The following CENPU variants were observed in gnomAD, a reference collection of about 807,000 sequenced individuals.
CENPU encodes KSHV latent nuclear antigen interacting protein 1.
A neutral mutation model predicts 56.7 loss-of-function variants in CENPU; 46 were observed. The ratio of observed to expected loss-of-function variants is 0.81; its 90% CI spans 0.64 to 1.04. The LOEUF (loss-of-function observed/expected upper bound fraction) is 1.04. Ranked by LOEUF, CENPU falls within the 50% of genes least tolerant of loss-of-function variation. The pLI, the probability that CENPU is intolerant of heterozygous loss-of-function variation, is 0.00. For synonymous variants in CENPU, 166 were observed against 163.0 expected, an observed-to-expected ratio of 1.02 and a Z score of -0.14; for missense variants, 510 against 490.1, an observed-to-expected ratio of 1.04 and a Z score of -0.38.
intron 3 of CENPU, among the ~76,000 whole-genome samples, chr4:184,726,177 C>T (rs1256788965): frequency 6.6e-6 from 1 of 152,110 alleles, no homozygotes; most frequent in African/African-American, 2.4e-5. Context: ...TACTCTATTG[C>T]TGTGAATAAC....
At chr4:184,719,193 A>G (rs892383680) in intron 4 of CENPU, among the ~76,000 whole-genome samples, 1 of 152,226 alleles carries the variant, frequency 6.6e-6, no homozygotes, top group African/African-American at 2.4e-5. Flanking sequence ...AGGAAACAAA[A>G]GTCAGCTGAG....
chr4:184,700,917 G>T, intron 10 of CENPU, 36 bp from the exon 11 acceptor site: 1 of 1,553,844 alleles, frequency 6.4e-7, no homozygotes, highest in Non-Finnish European at 8.9e-7. Context: ...AAATTAATTT[G>T]TAACTGTTTG....
chr4:184,711,353 T>C (rs1449881354), intron 7 of CENPU, among the ~76,000 whole-genome samples: 2 of 152,220 alleles, frequency 1.3e-5, no homozygotes, highest in Non-Finnish European at 2.9e-5. Flanking sequence ...ATGTATGTAT[T>C]GTGTAAAAAA....
intron 3 of CENPU, among the ~76,000 whole-genome samples, chr4:184,727,443 C>T (rs1310739228): frequency 2.0e-5 from 3 of 152,134 alleles, no homozygotes; most frequent in Admixed American, 6.5e-5. Flanking sequence ...CTATATTTTA[C>T]CACCCATACC....
chr4:184,725,993 G>A (rs1394164548), intron 3 of CENPU, among the ~76,000 whole-genome samples: 2 of 152,152 alleles, frequency 1.3e-5, no homozygotes, highest in African/African-American at 4.8e-5. Flanking sequence ...CTGCTGTAAG[G>A]GGGCCTGGTA....
chr4:184,699,027 G>A (rs991066690), intron 11 of CENPU, among the ~76,000 whole-genome samples: 2 of 152,118 alleles, frequency 1.3e-5, no homozygotes, highest in African/African-American at 4.8e-5. Flanking sequence ...ACAAAAGTCA[G>A]TCTTTAAAAC....
At chr4:184,713,370 G>C (rs1760987434) in intron 6 of CENPU, among the ~76,000 whole-genome samples, 1 of 152,062 alleles carries the variant, frequency 6.6e-6, no homozygotes, top group Non-Finnish European at 1.5e-5. Flanking sequence ...CTCCAGCCTG[G>C]GCAACAGAGC....
chr4:184,730,901 A>C lies in CENPU; in HGVS notation c.96+19T>G, dbSNP rs372853709. 1.1e-5 allele frequency: 18 copies of C among 1,570,718 alleles called. No homozygotes were observed. The highest frequency in any genetic ancestry group is 1.5e-5 in the Non-Finnish European group (18 of 1,165,836). Reference sequence around the variant, plus strand: ...TACTGTCAATTTTGAGAAAACCACAACACAAAAAGGTAACTTACATCTTTC... The same window carrying C: ...TACTGTCAATTTTGAGAAAACCACACCACAAAAAGGTAACTTACATCTTTC... On this transcript the variant is annotated intron_variant, in intron 2 of 12. Transcript: ENST00000281453.
intron 8 of CENPU, among the ~76,000 whole-genome samples, chr4:184,707,695 TC>T (rs1479111247): frequency 6.6e-6 from 1 of 152,114 alleles, no homozygotes; most frequent in African/African-American, 2.4e-5. Context: ...TTGGCCTTCT[TC>T]TATACATACT....
intron 9 of CENPU, 83 bp downstream of exon 9, chr4:184,702,280 C>A: frequency 5.0e-6 from 7 of 1,405,526 alleles, no homozygotes; most frequent in Non-Finnish European, 7.0e-6. Flanking sequence ...CCAGCAAATG[C>A]AAGCTTTTCT....
rs990323568 is a variant in CENPU at position 184,702,270 on chromosome 4, C to T, written c.876+93G>A. The T allele has an allele frequency of 1.1e-5, 15 of 1,333,882 alleles. No individual in the cohort carries two copies. The South Asian group carries it at 1.5e-4, about 13-fold the overall frequency. 82.6% of individuals were successfully genotyped at this position (1,333,882 alleles called of 1,614,324 possible). A position where few individuals can be genotyped will look rare whatever the true frequency, so the allele number is the denominator to read the frequency against. On this transcript the variant is annotated intron_variant, in intron 9 of 12. Transcript: ENST00000281453. The stretch of plus-strand genomic sequence containing the variant: ...TTCTAATGAGTTTATTACCATACTG[C>T]CAGCAAATGCAAGCTTTTCTAAGAC...
At chr4:184,697,191 A>G (rs1018606567) in intron 12 of CENPU, among the ~76,000 whole-genome samples, 1 of 152,048 alleles carries the variant, frequency 6.6e-6, no homozygotes, top group African/African-American at 2.4e-5. Flanking sequence ...CTGTTTCTTA[A>G]CTTCTAAAAT....
intron 6 of CENPU, 58 bp downstream of exon 6, chr4:184,716,339 C>G: frequency 2.8e-6 from 3 of 1,082,672 alleles, no homozygotes; most frequent in Non-Finnish European, 4.1e-6. Flanking sequence ...TCATTTTCTT[C>G]CCCAAAATTT....
At chr4:184,709,572 T>A (rs1299745041) in intron 8 of CENPU, among the ~76,000 whole-genome samples, 1 of 152,084 alleles carries the variant, frequency 6.6e-6, no homozygotes, top group Non-Finnish European at 1.5e-5. Flanking sequence ...AGACAAAGTA[T>A]GTTTAGGAAT....
intron 6 of CENPU, among the ~76,000 whole-genome samples, chr4:184,715,544 C>T (rs191685970): frequency 2.4e-3 from 371 of 152,300 alleles, no homozygotes; most frequent in Non-Finnish European, 4.1e-3. Context: ...AACTCCTGAC[C>T]TCACGTGATC....
At chr4:184,733,953 C>A in intron 1 of CENPU, 63 bp downstream of exon 1, 2 of 1,604,852 alleles carry the variant, frequency 1.2e-6, no homozygotes, top group African/African-American at 2.7e-5. Context: ...CAAACCACGG[C>A]AGGCGAGGAA....
At chr4:184,718,610 G>T (rs1406243868) in intron 4 of CENPU, among the ~76,000 whole-genome samples, 1 of 152,226 alleles carries the variant, frequency 6.6e-6, no homozygotes, top group Non-Finnish European at 1.5e-5. Flanking sequence ...ACTACCGCAG[G>T]AACGCTGGTG....
chr4:184,707,364 C>A (rs949690469), intron 8 of CENPU, among the ~76,000 whole-genome samples: 1 of 145,120 alleles, frequency 6.9e-6, no homozygotes, highest in Non-Finnish European at 1.5e-5. Context: ...TGCTCACCCC[C>A]GCTCCCCTGC....
chr4:184,712,503 C>T (rs1198509206), intron 7 of CENPU, among the ~76,000 whole-genome samples: 7 of 152,182 alleles, frequency 4.6e-5, no homozygotes, highest in Non-Finnish European at 8.8e-5. Flanking sequence ...TTGAGTTACA[C>T]ATTGTACTGT....
Sources: allele counts gnomAD v4.1 joint callset (sites outside exome capture counted in the v4.1 genomes callset), GRCh38; gene constraint gnomAD v4.1.1; transcripts MANE v1.5; gene names NCBI Gene and HGNC (gene_info 2026-07-23, HGNC 2026-07-21).